The following PBX3 variants were observed in gnomAD, a reference collection of about 807,000 sequenced individuals.
PBX3 encodes the protein pre-B-cell leukemia transcription factor 3.
Under a neutral mutation model 48.5 loss-of-function variants are expected in PBX3, and 14 were observed. The observed-to-expected ratio is 0.29, with a 90% confidence interval of 0.19 to 0.45. The LOEUF is 0.45. Ranked by LOEUF, PBX3 falls within the 20% of genes least tolerant of loss-of-function variation. The pLI is 1.00. For synonymous variants in PBX3, 210 were observed against 200.3 expected, an observed-to-expected ratio of 1.05 and a Z score of -0.41; for missense variants, 386 against 546.7, an observed-to-expected ratio of 0.71 and a Z score of 2.93.
intron 2 of PBX3, among the ~76,000 whole-genome samples, chr9:125,885,546 T>C (rs1840478275): frequency 6.6e-6 from 1 of 152,148 alleles, no homozygotes; most frequent in Non-Finnish European, 1.5e-5. Flanking sequence ...CATTTTAATA[T>C]GTAGAATCAG....
intron 2 of PBX3, among the ~76,000 whole-genome samples, chr9:125,790,268 T>C (rs546933263): frequency 6.6e-6 from 1 of 152,048 alleles, no homozygotes; most frequent in Non-Finnish European, 1.5e-5. Flanking sequence ...CTTTTTTTTT[T>C]TTTTGAGACA....
intron 2 of PBX3, among the ~76,000 whole-genome samples, chr9:125,780,884 C>T (rs1258664663): frequency 4.8e-5 from 7 of 144,710 alleles, no homozygotes; most frequent in Non-Finnish European, 7.5e-5. Context: ...TCAGACGGGG[C>T]GGATGCTGGG....
intron 2 of PBX3, among the ~76,000 whole-genome samples, chr9:125,832,199 T>C (rs1335114144): frequency 1.9e-5 from 2 of 106,454 alleles, no homozygotes; most frequent in African/African-American, 5.3e-5. Flanking sequence ...TTTTCTTTTC[T>C]TTCTTTTTTT....
chr9:125,839,445 G>A (rs1839227521), intron 2 of PBX3, among the ~76,000 whole-genome samples: 1 of 152,134 alleles, frequency 6.6e-6, no homozygotes. Context: ...ATTAGAATGA[G>A]GTTCCAAAGA....
intron 2 of PBX3, chr9:125,843,916 G>A: frequency 2.8e-6 from 1 of 359,020 alleles, no homozygotes; most frequent in South Asian, 2.0e-5. Context: ...GGAGAGATGA[G>A]GTGAGATTGA....
At chr9:125,929,939 C>G in intron 4 of PBX3, 94 bp downstream of exon 4, 1 of 941,612 alleles carries the variant, frequency 1.1e-6, no homozygotes, top group East Asian at 2.4e-5. Flanking sequence ...GTCTTAGATT[C>G]TTTTGGCCAT....
intron 2 of PBX3, among the ~76,000 whole-genome samples, chr9:125,800,367 T>A (rs182776872): frequency 1.2e-3 from 181 of 152,346 alleles, no homozygotes; most frequent in Admixed American, 2.1e-3. Context: ...TGGTATATAT[T>A]CTACTAAGAA....
intron 2 of PBX3, among the ~76,000 whole-genome samples, chr9:125,850,554 A>G (rs1839550577): frequency 6.6e-6 from 1 of 152,066 alleles, no homozygotes; most frequent in Admixed American, 6.6e-5. Context: ...ATTATTTTTA[A>G]GTAGTAGTCT....
At chr9:125,924,324 T>G (rs1269948655) in intron 3 of PBX3, among the ~76,000 whole-genome samples, 1 of 152,264 alleles carries the variant, frequency 6.6e-6, no homozygotes, top group African/African-American at 2.4e-5. Context: ...TTGAGTCTCA[T>G]ATCTGCTTCT....
intron 5 of PBX3, among the ~76,000 whole-genome samples, chr9:125,951,086 T>A (rs1842185379): frequency 6.6e-6 from 1 of 152,180 alleles, no homozygotes; most frequent in Non-Finnish European, 1.5e-5. Flanking sequence ...GAATTGGGTT[T>A]TTGTAACAGT....
In PBX3 at chr9:125,809,490, T is replaced by C. The variant is rs910377178; in HGVS notation, c.274+60867T>C. Among the ~76,000 whole-genome samples, 5 of 152,192 alleles carry C rather than the reference T, an allele frequency of 3.3e-5. No homozygotes were observed. In the East Asian group the frequency reaches 9.6e-4, roughly 29 times the overall value. On this transcript the variant is annotated intron_variant, in intron 2 of 8. Transcript: ENST00000373489. ...AGGTATTACCTTTGTAATCATTTGG[T>C]TATTTTTATAACTCAAATGCAGTTG... is the stretch of plus-strand genomic sequence containing the variant.
chr9:125,926,021 A>G (rs1333406152), intron 3 of PBX3, among the ~76,000 whole-genome samples: 1 of 152,262 alleles, frequency 6.6e-6, no homozygotes, highest in African/African-American at 2.4e-5. Context: ...GTAGAACTAT[A>G]GAATTTGTTA....
intron 5 of PBX3, among the ~76,000 whole-genome samples, chr9:125,936,377 G>A (rs1478217242): frequency 6.6e-6 from 1 of 152,146 alleles, no homozygotes; most frequent in Non-Finnish European, 1.5e-5. Flanking sequence ...TTAATAGATT[G>A]ACATTTGAAG....
At chr9:125,963,131 G>A in intron 8 of PBX3, 30 bp downstream of exon 8, 2 of 1,251,970 alleles carry the variant, frequency 1.6e-6, no homozygotes, top group South Asian at 1.3e-5. Flanking sequence ...AGCTGTAGGA[G>A]AACAGTGTCA....
intron 2 of PBX3, among the ~76,000 whole-genome samples, chr9:125,809,917 A>G (rs201520725): frequency 6.6e-6 from 1 of 152,236 alleles, no homozygotes; most frequent in Non-Finnish European, 1.5e-5. Context: ...ATTTTACCAA[A>G]CATGAAGTCT....
In PBX3 at chr9:125,900,242, T is replaced by G. The variant is rs1268711756; in HGVS notation, c.275-15444T>G. On this transcript the variant is annotated intron_variant, in intron 2 of 8. Coordinates refer to ENST00000373489, the MANE Select transcript of PBX3 (RefSeq NM_006195.6). Reference sequence around the variant, plus strand: ...CCTCCCCCCACATCCCGCCCTTTTTTTTTTTTTTTTAACACTTTACCATTT... The same window carrying G: ...CCTCCCCCCACATCCCGCCCTTTTTGTTTTTTTTTTAACACTTTACCATTT... 4.6e-5 allele frequency among the ~76,000 whole-genome samples: 7 copies of G among 150,714 alleles called. No individual in the cohort carries two copies. The East Asian group carries it at 1.4e-3, about 29-fold the overall frequency.
At chr9:125,832,041 A>G (rs945462351) in intron 2 of PBX3, among the ~76,000 whole-genome samples, 2 of 152,168 alleles carry the variant, frequency 1.3e-5, no homozygotes, top group East Asian at 1.9e-4. Flanking sequence ...GCTCACATTG[A>G]TAATTCTAAC....
chr9:125,907,143 A>G (rs1024109113), intron 2 of PBX3, among the ~76,000 whole-genome samples: 2 of 152,034 alleles, frequency 1.3e-5, no homozygotes, highest in Non-Finnish European at 2.9e-5. Flanking sequence ...AAGTAACACA[A>G]AAGAGCAAAA....
chr9:125,846,075 A>G (rs1479932186), intron 2 of PBX3, among the ~76,000 whole-genome samples: 1 of 152,118 alleles, frequency 6.6e-6, no homozygotes, highest in Non-Finnish European at 1.5e-5. Flanking sequence ...TATGAGATTT[A>G]TGTGGGTTGA....
Sources: gnomAD v4.1 joint callset for allele counts (sites outside exome capture counted in the v4.1 genomes callset) on GRCh38, gnomAD v4.1.1 for gene constraint, MANE v1.5 for transcripts, NCBI Gene and HGNC (gene_info 2026-07-23, HGNC 2026-07-21) for gene names.